RBPJ: variants seen among roughly 807,000 people sequenced by gnomAD.
RBPJ encodes the protein recombining binding protein suppressor of hairless.
RBPJ carries 9 observed loss-of-function variants against 67.8 expected under a neutral mutation model. The ratio of observed to expected loss-of-function variants is 0.13; its 90% CI spans 0.08 to 0.23. The LOEUF (loss-of-function observed/expected upper bound fraction) is 0.23, where lower values mean the gene tolerates loss of function less well. Ranked by LOEUF, RBPJ falls within the 10% of genes least tolerant of loss-of-function variation. The pLI, the probability that RBPJ is intolerant of heterozygous loss-of-function variation, is 1.00. For synonymous variants in RBPJ, 198 were observed against 203.3 expected (o/e 0.97, Z 0.22); for missense variants, 305 against 595.6 (o/e 0.51, Z 5.08).
chr4:26,372,032 A>C (rs574631338), intron 1 of RBPJ, among the ~76,000 whole-genome samples: 2 of 152,224 alleles, frequency 1.3e-5, no homozygotes, highest in African/African-American at 4.8e-5. Context: ...ATTAGAAATA[A>C]TGCTGCCTCT....
the RBPJ span, among the ~76,000 whole-genome samples, chr4:26,136,240 T>C: frequency 6.6e-6 from 1 of 152,180 alleles, no homozygotes; most frequent in African/African-American, 2.4e-5. Context: ...AACCATATCA[T>C]GGACCCAGCT....
intron 2 of RBPJ, among the ~76,000 whole-genome samples, chr4:26,393,428 G>T (rs930020245): frequency 6.6e-6 from 1 of 152,070 alleles, no homozygotes; most frequent in Non-Finnish European, 1.5e-5. Context: ...AGGCTATAGC[G>T]CAGTGGTGTG....
chr4:26,421,233 A>G (rs1455395689), intron 5 of RBPJ, among the ~76,000 whole-genome samples: 6 of 152,084 alleles, frequency 3.9e-5, no homozygotes, highest in African/African-American at 1.2e-4. Context: ...TAGACTACCA[A>G]ACAAGTATGT....
intron 1 of RBPJ, among the ~76,000 whole-genome samples, chr4:26,242,964 T>C (rs1250598628): frequency 1.3e-5 from 2 of 152,114 alleles, no homozygotes; most frequent in Admixed American, 1.3e-4. Context: ...CGGTGGCTCA[T>C]GCCTGTAATC....
intron 2 of RBPJ, among the ~76,000 whole-genome samples, chr4:26,403,296 C>CT (rs539789336): frequency 6.6e-6 from 1 of 151,208 alleles, no homozygotes; most frequent in African/African-American, 2.4e-5. Context: ...CACGCTACCA[C>CT]TTTTTTTATA....
At chr4:26,287,770 G>T (rs968086295) in intron 1 of RBPJ, among the ~76,000 whole-genome samples, 13 of 147,478 alleles carry the variant, frequency 8.8e-5, no homozygotes, top group Admixed American at 8.1e-4. Flanking sequence ...ACAGAAGAAC[G>T]CAGGCAGGCA....
intron 1 of RBPJ, among the ~76,000 whole-genome samples, chr4:26,214,402 AAG>A (rs370702501): frequency 2.2e-5 from 3 of 133,648 alleles, no homozygotes; most frequent in African/African-American, 5.8e-5. Context: ...GGAGGGAGGG[AAG>A]AGAGAGAGAA....
chr4:26,343,102 G>A (rs1268298091), intron 1 of RBPJ: 1 of 152,168 alleles, frequency 6.6e-6, no homozygotes, highest in African/African-American at 2.4e-5. Flanking sequence ...GCAATGAAAG[G>A]CTGCTTGTAA....
intron 4 of RBPJ, among the ~76,000 whole-genome samples, chr4:26,417,411 A>T (rs886524096): frequency 6.6e-6 from 1 of 152,068 alleles, no homozygotes; most frequent in Non-Finnish European, 1.5e-5. Flanking sequence ...TTCAACTTCC[A>T]CTAGTATACC....
At position 26,431,006 on chromosome 4, in the gene RBPJ, A is replaced by G; in HGVS notation, c.1463A>G (p.Ter488=). 1 of 1,611,494 alleles carries G rather than the reference A, an allele frequency of 6.2e-7. No homozygotes were observed. Among genetic ancestry groups the G allele is most frequent in the South Asian group, 1.1e-5 (1 of 91,012 alleles). The change falls in exon 11 of 11, where the codon TAA becomes TGA. Residue 488 remains the stop codon, a stop_retained_variant. Transcript: ENST00000355476. The stretch of plus-strand genomic sequence containing the variant: ...TCATCTACAGCCACAGTGGTATCCT[A>G]ACTACCGTCTTTTTGCTAGGACTTA... ...VTSSTATVVS[*] is the part of the protein sequence containing the mutation.
the RBPJ span, among the ~76,000 whole-genome samples, chr4:26,126,138 A>G: frequency 6.6e-6 from 1 of 152,246 alleles, no homozygotes; most frequent in Non-Finnish European, 1.5e-5. Context: ...AATTCCTTGA[A>G]TGGAAAAGAT....
chr4:26,322,434 T>G (rs1449436602), intron 1 of RBPJ: 5 of 152,160 alleles, frequency 3.3e-5, no homozygotes, highest in African/African-American at 1.2e-4. Context: ...GGCATTCCGC[T>G]TGGGAATTTT....
intron 1 of RBPJ, among the ~76,000 whole-genome samples, chr4:26,180,104 T>C (rs1027533595): frequency 6.6e-6 from 1 of 152,050 alleles, no homozygotes; most frequent in African/African-American, 2.4e-5. Context: ...TTCTGACTTA[T>C]AAGTGGGAGC....
intron 1 of RBPJ, among the ~76,000 whole-genome samples, chr4:26,340,865 A>C (rs1321240869): frequency 6.6e-6 from 1 of 151,512 alleles, no homozygotes; most frequent in East Asian, 1.9e-4. Flanking sequence ...CTCAAAAAAA[A>C]ACAAAAGAAA....
chr4:26,244,354 T>TGTGTACAC (rs1560226339), intron 1 of RBPJ, among the ~76,000 whole-genome samples: 6 of 101,896 alleles, frequency 5.9e-5, no homozygotes, highest in African/African-American at 1.7e-4. Flanking sequence ...TGTGTGTATA[T>TGTGTACAC]ATATGTATGC....
chr4:26,362,106 T>C (rs979630363), intron 1 of RBPJ, among the ~76,000 whole-genome samples: 4 of 152,204 alleles, frequency 2.6e-5, no homozygotes, highest in Admixed American at 1.3e-4. Context: ...AGGTGATTTC[T>C]GGCCCTCATT....
the RBPJ span, among the ~76,000 whole-genome samples, chr4:26,119,003 G>C: frequency 6.6e-6 from 1 of 152,174 alleles, no homozygotes; most frequent in African/African-American, 2.4e-5. Flanking sequence ...TGGGTACAAA[G>C]TCCAGCTCTA....
At chr4:26,221,071 C>G (rs1023193491) in intron 1 of RBPJ, among the ~76,000 whole-genome samples, 1 of 152,124 alleles carries the variant, frequency 6.6e-6, no homozygotes, top group African/African-American at 2.4e-5. Flanking sequence ...CCACAATCTT[C>G]CCCTTCTTCT....
chr4:26,222,631 G>GAAAT (rs1553850661), intron 1 of RBPJ, among the ~76,000 whole-genome samples: 1 of 76,176 alleles, frequency 1.3e-5, no homozygotes, highest in African/African-American at 5.2e-5. Flanking sequence ...TATGTACTCT[G>GAAAT]AAATATATAT....
Sources: gnomAD v4.1 joint callset for allele counts (sites outside exome capture counted in the v4.1 genomes callset) on GRCh38, gnomAD v4.1.1 for gene constraint, MANE v1.5 for transcripts, NCBI Gene and HGNC (gene_info 2026-07-23, HGNC 2026-07-21) for gene names.